The following IL1R2 variants were observed in gnomAD, a reference collection of about 807,000 sequenced individuals.
The protein encoded by IL1R2 is interleukin 1 receptor type 2.
A neutral mutation model predicts 39.5 loss-of-function variants in IL1R2; 46 were observed. That is an observed-to-expected ratio of 1.16 (90% CI 0.92 to 1.49). The LOEUF is 1.49. IL1R2 is among the 40% of genes most tolerant of loss of function. The pLI is 0.00. For missense variants in IL1R2, 537 were observed against 502.0 expected (o/e 1.07, Z -0.67); for synonymous variants, 207 against 189.6 (o/e 1.09, Z -0.75).
intron 1 of IL1R2, among the ~76,000 whole-genome samples, chr2:101,997,310 C>T (rs1367788970): frequency 6.6e-5 from 10 of 152,206 alleles, no homozygotes; most frequent in Admixed American, 6.5e-4. Flanking sequence ...TGGCCATGAC[C>T]TTGTTTCTTC....
intron 5 of IL1R2, among the ~76,000 whole-genome samples, chr2:102,021,190 T>C (rs1320222112): frequency 6.6e-6 from 1 of 152,132 alleles, no homozygotes; most frequent in Non-Finnish European, 1.5e-5. Context: ...TTCAAAATGC[T>C]GTTTCGTGGA....
At chr2:102,003,014 G>A (rs201657431) in intron 1 of IL1R2, among the ~76,000 whole-genome samples, 2 of 96,782 alleles carry the variant, frequency 2.1e-5, no homozygotes, top group Non-Finnish European at 5.3e-5. Context: ...GTCTGTGTCT[G>A]TGTCTCTGTC....
At position 102,009,728 on chromosome 2, in the gene IL1R2, C is replaced by T; in HGVS notation, c.234C>T (p.Val78=). ...ATAAAAATGACTCTGCTAGGACGGT[C>T]CCAGGAGAAGAAGAGACACGGATGT... The part of the protein sequence containing the change: ...TWHKNDSART[V]PGEEETRMWA... The change falls in exon 3 of 9, where the codon GTC becomes GTT. Residue 78 remains valine, a synonymous_variant. Coordinates refer to ENST00000332549, the MANE Select transcript of IL1R2 (RefSeq NM_004633.4). The T allele has an allele frequency of 6.2e-7, 1 of 1,614,144 alleles. No homozygotes were observed. The highest frequency in any genetic ancestry group is 1.6e-4 in the Middle Eastern group (1 of 6,062).
At chr2:102,013,377 ATTGT>A (rs1676754519) in intron 3 of IL1R2, among the ~76,000 whole-genome samples, 1 of 151,996 alleles carries the variant, frequency 6.6e-6, no homozygotes, top group Non-Finnish European at 1.5e-5. Context: ...TGTTCTCATG[ATTGT>A]TTAAGACCTT....
chr2:101,993,318 C>G (rs1675436029), intron 1 of IL1R2, among the ~76,000 whole-genome samples: 1 of 152,098 alleles, frequency 6.6e-6, no homozygotes, highest in Non-Finnish European at 1.5e-5. Flanking sequence ...CTCACCTGCT[C>G]AGGGTCTCCA....
At chr2:102,010,623 G>A (rs1012057137) in intron 3 of IL1R2, among the ~76,000 whole-genome samples, 25 of 151,970 alleles carry the variant, frequency 1.6e-4, no homozygotes, top group South Asian at 4.2e-4. Context: ...GTAAGGATGA[G>A]GGAACCAAGC....
intron 1 of IL1R2, among the ~76,000 whole-genome samples, chr2:101,995,564 C>T (rs78295330): frequency 0.067 from 10,224 of 152,174 alleles, 530 homozygotes; most frequent in Non-Finnish European, 0.078. Context: ...CTAACCAATG[C>T]GGTTGTTTTT....
chr2:102,013,554 G>GAAA (rs1577711343), intron 3 of IL1R2, among the ~76,000 whole-genome samples: 41 of 31,588 alleles, frequency 1.3e-3, no homozygotes, highest in East Asian at 2.9e-3. Context: ...AAAAAAAAAG[G>GAAA]AAAGAAAGAA....
chr2:102,008,602 G>A lies in IL1R2; in HGVS notation c.27G>A (p.Met9Ile). ...TGTTGCGCTTGTACGTGTTGGTAATGGGAGTTTCTGCCTTCACCCTTCAGC... is the reference window on the plus strand; with the variant it reads ...TGTTGCGCTTGTACGTGTTGGTAATAGGAGTTTCTGCCTTCACCCTTCAGC... MLRLYVLV[M>I]GVSAFTLQPA... Residue 9 changes from methionine to isoleucine, a missense_variant, in exon 2 of 9, where the codon ATG (methionine) becomes ATA (isoleucine). Transcript: ENST00000332549. 1 of 1,614,118 alleles carries A rather than the reference G, an allele frequency of 6.2e-7. No homozygotes were observed. Among genetic ancestry groups the A allele is most frequent in the Non-Finnish European group, 8.5e-7 (1 of 1,179,996 alleles).
intron 1 of IL1R2, 167 bp downstream of exon 1, chr2:101,992,178 G>C (rs1675361083): frequency 6.6e-6 from 1 of 151,224 alleles, no homozygotes; most frequent in South Asian, 2.1e-4. Context: ...AGAGAGAAGA[G>C]AGAGAGATGG....
intron 1 of IL1R2, among the ~76,000 whole-genome samples, chr2:101,992,850 T>A (rs1675414188): frequency 6.6e-6 from 1 of 152,176 alleles, no homozygotes; most frequent in African/African-American, 2.4e-5. Context: ...TCTCCAGACC[T>A]CAGGAACCTG....
At chr2:101,993,925 C>A (rs1322951669) in intron 1 of IL1R2, among the ~76,000 whole-genome samples, 1 of 152,178 alleles carries the variant, frequency 6.6e-6, no homozygotes. Context: ...GCTGCCGGCC[C>A]CCTTTCTGCA....
At chr2:101,996,823 T>TCACTAC (rs1400040580) in intron 1 of IL1R2, among the ~76,000 whole-genome samples, 1 of 151,872 alleles carries the variant, frequency 6.6e-6, no homozygotes, top group African/African-American at 2.4e-5. Context: ...ATATATATAC[T>TCACTAC]CACTACAAAT....
Position 102,009,210 on chromosome 2 carries a change from A to T in IL1R2, c.68-352A>T, listed in dbSNP as rs1040633195. On this transcript the variant is annotated intron_variant, in intron 2 of 8. Coordinates refer to ENST00000332549, the MANE Select transcript of IL1R2 (RefSeq NM_004633.4). ...CTTTTACCATCTAAACTCAGCTCAG[A>T]TTTACTTTTAATGATGAGAAATCAG... 2.0e-5 allele frequency among the ~76,000 whole-genome samples: 3 copies of T among 152,126 alleles called. No individual in the cohort carries two copies. The East Asian group carries it at 5.8e-4, about 29-fold the overall frequency.
Position 102,008,744 on chromosome 2 carries a change from C to T in IL1R2, c.67+102C>T, listed in dbSNP as rs866633201. The T allele has an allele frequency of 7.3e-5, 73 of 998,514 alleles. No homozygotes were observed. In the East Asian group the frequency reaches 1.2e-3, roughly 16 times the overall value. The allele number at this position is 998,514 out of a possible 1,614,324, so 61.9% of individuals were successfully genotyped here. On this transcript the variant is annotated intron_variant, in intron 2 of 8. Transcript: ENST00000332549. ...CCTTGTCAGAAAGCAAAGTGTGGGC[C>T]GAGCTCGGTGGCTGCCGGCTGTAAT...
chr2:102,011,463 G>A (rs1676630361), intron 3 of IL1R2, among the ~76,000 whole-genome samples: 1 of 152,148 alleles, frequency 6.6e-6, no homozygotes, highest in Admixed American at 6.5e-5. Context: ...TTGTGGCTTT[G>A]ATTTCCACGT....
Position 102,009,783 on chromosome 2 carries a change from C to T in IL1R2, c.289C>T (p.Pro97Ser). ...CCAGGACGGTGCTCTGTGGCTTCTGCCAGCCTTGCAGGAGGACTCTGGCAC... is the reference window on the plus strand; with the variant it reads ...CCAGGACGGTGCTCTGTGGCTTCTGTCAGCCTTGCAGGAGGACTCTGGCAC... ...WAQDGALWLL[P>S]ALQEDSGTYV... The change falls in exon 3 of 9, where the codon CCA becomes TCA. Residue 97 changes from proline to serine, a missense_variant. By Grantham distance (74) the Pro-to-Ser change is moderately conservative. Transcript: ENST00000332549. 6.2e-7 allele frequency: 1 copy of T among 1,614,196 alleles called. No homozygotes were observed. The highest frequency in any genetic ancestry group is 2.2e-5 in the East Asian group (1 of 44,888).
chr2:102,010,707 GTCC>G (rs1676577691), intron 3 of IL1R2, among the ~76,000 whole-genome samples: 1 of 152,104 alleles, frequency 6.6e-6, no homozygotes, highest in South Asian at 2.1e-4. Flanking sequence ...CCTGGGTCCA[GTCC>G]TCCTCCCTCT....
intron 1 of IL1R2, among the ~76,000 whole-genome samples, chr2:101,992,630 CAG>C (rs1219351774): frequency 6.8e-6 from 1 of 147,730 alleles, no homozygotes; most frequent in Non-Finnish European, 1.5e-5. Flanking sequence ...GGCAGAGAGA[CAG>C]AGAGAGGCAG....
Sources: gnomAD v4.1 joint callset for allele counts (sites outside exome capture counted in the v4.1 genomes callset) on GRCh38, gnomAD v4.1.1 for gene constraint, MANE v1.5 for transcripts, NCBI Gene and HGNC (gene_info 2026-07-23, HGNC 2026-07-21) for gene names.